The following GTF2E1 variants were observed in gnomAD, a reference collection of about 807,000 sequenced individuals.
GTF2E1 encodes the protein TFIIE alpha subunit.
GTF2E1 carries 14 observed loss-of-function variants against 34.9 expected under a neutral mutation model. That is an observed-to-expected ratio of 0.40 (90% confidence interval 0.27 to 0.63). GTF2E1 has a LOEUF of 0.63. Ranked by LOEUF, GTF2E1 falls within the 20% of genes least tolerant of loss-of-function variation. The pLI, the probability that GTF2E1 is intolerant of heterozygous loss-of-function variation, is 0.39. For missense variants in GTF2E1, 469 were observed against 557.7 expected (o/e 0.84, Z 1.60); for synonymous variants, 188 against 192.9 (o/e 0.97, Z 0.21).
chr3:120,781,935 C>T lies in GTF2E1; in HGVS notation c.*465C>T, dbSNP rs934842537. ...TTCACCATGTTAGCCAGGATGATCTCGATCTCCTGACCTCATGATCCACCC... is the reference window on the plus strand; with the variant it reads ...TTCACCATGTTAGCCAGGATGATCTTGATCTCCTGACCTCATGATCCACCC... On this transcript the variant is annotated 3_prime_UTR_variant, in exon 5 of 5. Transcript: ENST00000283875. 6 of 155,166 alleles carry T rather than the reference C, an allele frequency of 3.9e-5. No individual in the cohort carries two copies. The highest frequency in any genetic ancestry group is 3.7e-4 in the Admixed American group (6 of 16,038). 9.6% of individuals were successfully genotyped at this position (155,166 alleles called of 1,614,324 possible). A position where few individuals can be genotyped will look rare whatever the true frequency, so the allele number is the denominator to read the frequency against.
chr3:120,760,172 G>C (rs1355319026), intron 2 of GTF2E1, among the ~76,000 whole-genome samples: 1 of 152,070 alleles, frequency 6.6e-6, no homozygotes, highest in Non-Finnish European at 1.5e-5. Context: ...GGATTCCTAG[G>C]TATTTTATTC....
At chr3:120,761,287 G>T (rs538240965) in intron 2 of GTF2E1, among the ~76,000 whole-genome samples, 3 of 151,980 alleles carry the variant, frequency 2.0e-5, no homozygotes, top group African/African-American at 7.2e-5. Flanking sequence ...GTTTTTTATT[G>T]CATCTATTTG....
At position 120,766,351 on chromosome 3, in the gene GTF2E1, G is replaced by T. The variant is rs78576199; in HGVS notation, c.449-4377G>T. On this transcript the variant is annotated intron_variant, in intron 2 of 4. Transcript: ENST00000283875. ...GTAAATATTAGTTTTCATGACCTCA[G>T]TGTCTTTCCTAACACCCTTCTGTGG... is the stretch of plus-strand genomic sequence containing the variant. 4.3e-4 allele frequency among the ~76,000 whole-genome samples: 66 copies of T among 152,268 alleles called. No homozygotes were observed. In the East Asian group the frequency reaches 0.013, roughly 29 times the overall value.
At chr3:120,755,064 T>C (rs1709197148) in intron 2 of GTF2E1, among the ~76,000 whole-genome samples, 1 of 152,170 alleles carries the variant, frequency 6.6e-6, no homozygotes, top group South Asian at 2.1e-4. Context: ...TGGAAAGACT[T>C]AGCAACAGAT....
intron 2 of GTF2E1, among the ~76,000 whole-genome samples, chr3:120,757,274 G>A (rs1267160269): frequency 6.6e-6 from 1 of 152,200 alleles, no homozygotes; most frequent in African/African-American, 2.4e-5. Context: ...AATGATGCAT[G>A]ATTAGACCAA....
rs539715130 is a variant in GTF2E1, at chr3:120,766,070, T to C, written c.449-4658T>C. 8.5e-5 allele frequency among the ~76,000 whole-genome samples: 13 copies of C among 152,324 alleles called. No homozygotes were observed. The South Asian group carries it at 1.4e-3, about 17-fold the overall frequency. Reference sequence around the variant, plus strand: ...TATAGTCTATGTACACTACTTAGTGTAGAATGGTCTAGTTACAAGAAAAGT... The same window carrying C: ...TATAGTCTATGTACACTACTTAGTGCAGAATGGTCTAGTTACAAGAAAAGT... On this transcript the variant is annotated intron_variant, in intron 2 of 4. Coordinates refer to ENST00000283875, the MANE Select transcript of GTF2E1 (RefSeq NM_005513.3).
chr3:120,744,606 C>G (rs1044918048), intron 1 of GTF2E1, among the ~76,000 whole-genome samples: 6 of 152,208 alleles, frequency 3.9e-5, no homozygotes, highest in African/African-American at 1.4e-4. Context: ...TTCCTACTCT[C>G]ATATTCTGTA....
At chr3:120,777,524 G>T (rs1325381866) in intron 4 of GTF2E1, among the ~76,000 whole-genome samples, 1 of 152,044 alleles carries the variant, frequency 6.6e-6, no homozygotes, top group African/African-American at 2.4e-5. Context: ...CTTGTTTTTT[G>T]GCGTTTCTCC....
rs377367244 is a variant in GTF2E1 at position 120,747,363 on chromosome 3, C to T, written c.-30-3160C>T. On this transcript the variant is annotated intron_variant, in intron 1 of 4. Coordinates refer to ENST00000283875, the MANE Select transcript of GTF2E1 (RefSeq NM_005513.3). Reference sequence around the variant, plus strand: ...CTGCACCCATTAACTCGTAATTTAACATTAGGTATATCTCCTAATGCTATC... The same window carrying T: ...CTGCACCCATTAACTCGTAATTTAATATTAGGTATATCTCCTAATGCTATC... Among the ~76,000 whole-genome samples the T allele has an allele frequency of 2.0e-4, 30 of 152,096 alleles. No homozygotes were observed. The East Asian group carries it at 5.4e-3, about 27-fold the overall frequency.
chr3:120,763,923 T>G (rs1013595002), intron 2 of GTF2E1, among the ~76,000 whole-genome samples: 1 of 152,340 alleles, frequency 6.6e-6, no homozygotes, highest in South Asian at 2.1e-4. Context: ...TAAAGTCTTC[T>G]ATTTGCTTCC....
At chr3:120,744,010 G>A (rs534563333) in intron 1 of GTF2E1, among the ~76,000 whole-genome samples, 65 of 152,228 alleles carry the variant, frequency 4.3e-4, no homozygotes, top group African/African-American at 1.5e-3. Context: ...GGTCCTAGGA[G>A]GTCCCACGCT....
At chr3:120,750,065 T>C (rs769182633) in intron 1 of GTF2E1, 2 of 155,638 alleles carry the variant, frequency 1.3e-5, no homozygotes, top group Non-Finnish European at 2.9e-5. Context: ...TTTGTTGTGA[T>C]TTTATTGTGA....
At position 120,781,114 on chromosome 3, in the gene GTF2E1, A is replaced by G; in HGVS notation, c.964A>G (p.Met322Val). The change falls in exon 5 of 5, where the codon ATG becomes GTG. Residue 322 changes from methionine to valine, a missense_variant. Transcript: ENST00000283875. ...HAGPDDNEEV[M>V]RALLIHEKKT... Reference sequence around the variant, plus strand: ...TGGGCCTGATGACAACGAAGAGGTCATGCGAGCACTGCTCATTCACGAGAA... The same window carrying G: ...TGGGCCTGATGACAACGAAGAGGTCGTGCGAGCACTGCTCATTCACGAGAA... The G allele has an allele frequency of 1.9e-6, 3 of 1,614,136 alleles. No homozygotes were observed. Among genetic ancestry groups the G allele is most frequent in the Non-Finnish European group, 2.5e-6 (3 of 1,179,982 alleles).
At chr3:120,773,273 AG>A (rs372345422) in intron 3 of GTF2E1, among the ~76,000 whole-genome samples, 2 of 152,270 alleles carry the variant, frequency 1.3e-5, no homozygotes, top group East Asian at 3.9e-4. Context: ...TCTGTACTAT[AG>A]GAGTATGAAG....
chr3:120,762,076 T>C (rs527730449), intron 2 of GTF2E1, among the ~76,000 whole-genome samples: 8 of 152,266 alleles, frequency 5.3e-5, no homozygotes, highest in African/African-American at 1.4e-4. Flanking sequence ...AGGCATGAGC[T>C]ACCGCGCCTG....
At chr3:120,755,369 T>C (rs1293714925) in intron 2 of GTF2E1, among the ~76,000 whole-genome samples, 2 of 152,240 alleles carry the variant, frequency 1.3e-5, no homozygotes, top group Non-Finnish European at 2.9e-5. Context: ...TTTAAAAATT[T>C]TTAAGATTCT....
At chr3:120,762,862 CT>C (rs1709276286) in intron 2 of GTF2E1, among the ~76,000 whole-genome samples, 1 of 152,128 alleles carries the variant, frequency 6.6e-6, no homozygotes. Context: ...TATACTTACT[CT>C]TTGATTTGGA....
chr3:120,780,947 C>A (rs958948062), intron 4 of GTF2E1, 96 bp from the exon 5 acceptor site: 2 of 775,630 alleles, frequency 2.6e-6, no homozygotes, highest in African/African-American at 3.5e-5. Context: ...GTTATTTTAT[C>A]GTATTATTTA....
chr3:120,757,104 G>T (rs1709216283), intron 2 of GTF2E1, among the ~76,000 whole-genome samples: 1 of 152,084 alleles, frequency 6.6e-6, no homozygotes, highest in Non-Finnish European at 1.5e-5. Context: ...AGATGAGTTT[G>T]GTTCTGCATG....
Sources: allele counts gnomAD v4.1 joint callset (sites outside exome capture counted in the v4.1 genomes callset), GRCh38; gene constraint gnomAD v4.1.1; transcripts MANE v1.5; gene names NCBI Gene and HGNC (gene_info 2026-07-23, HGNC 2026-07-21).